The following TBL1XR1 variants were observed in gnomAD, a reference collection of about 807,000 sequenced individuals.
The protein encoded by TBL1XR1 is TBL1X/Y related 1, also known as F-box-like/WD repeat-containing protein TBL1XR1.
A neutral mutation model predicts 66.9 loss-of-function variants in TBL1XR1; 5 were observed. The ratio of observed to expected loss-of-function variants is 0.07; its 90% CI spans 0.04 to 0.16. The LOEUF is 0.16. TBL1XR1 is among the 10% of genes least tolerant of loss of function. The pLI, the probability that TBL1XR1 is intolerant of heterozygous loss-of-function variation, is 1.00. For missense variants in TBL1XR1, 238 were observed against 623.2 expected, an observed-to-expected ratio of 0.38 and a Z score of 6.58; for synonymous variants, 210 against 206.0, an observed-to-expected ratio of 1.02 and a Z score of -0.17.
intron 10 of TBL1XR1, among the ~76,000 whole-genome samples, chr3:177,038,917 G>C (rs1361343945): frequency 6.6e-6 from 1 of 152,134 alleles, no homozygotes; most frequent in African/African-American, 2.4e-5. Context: ...ACACACAAGA[G>C]TGAGGATAAC....
At chr3:177,032,835 T>G (rs1714198255) in intron 14 of TBL1XR1, 136 bp downstream of exon 14, 1 of 662,458 alleles carries the variant, frequency 1.5e-6, no homozygotes, top group Non-Finnish European at 2.2e-6. Flanking sequence ...TTCCATTAGT[T>G]TCTATCTTAT....
intron 1 of TBL1XR1, among the ~76,000 whole-genome samples, chr3:177,102,446 T>G (rs1724340869): frequency 6.6e-6 from 1 of 152,262 alleles, no homozygotes; most frequent in Non-Finnish European, 1.5e-5. Context: ...CTAGCCATCA[T>G]GCAATGCATT....
intron 2 of TBL1XR1, among the ~76,000 whole-genome samples, chr3:177,081,250 G>A (rs1721352355): frequency 6.6e-6 from 1 of 152,132 alleles, no homozygotes; most frequent in African/African-American, 2.4e-5. Flanking sequence ...ATGTGTCTCT[G>A]TGATAGAAAT....
Position 177,157,020 on chromosome 3 carries a change from C to A in TBL1XR1, c.-122+40101G>T, listed in dbSNP as rs149282606. On this transcript the variant is annotated intron_variant, in intron 1 of 15. Transcript: ENST00000457928. The stretch of plus-strand genomic sequence containing the variant: ...AGTTACAAGTCTGACACAGGTCTCA[C>A]TGGGCTAAAATGAAGGTGTAAACAG... Among the ~76,000 whole-genome samples the A allele has an allele frequency of 2.6e-5, 4 of 152,290 alleles. No individual in the cohort carries two copies. The East Asian group carries it at 7.7e-4, about 29-fold the overall frequency.
chr3:177,137,012 A>T (rs1729075771), intron 1 of TBL1XR1, among the ~76,000 whole-genome samples: 1 of 152,206 alleles, frequency 6.6e-6, no homozygotes, highest in Admixed American at 6.5e-5. Flanking sequence ...CAGAAAAAGC[A>T]CTCAGCAAGT....
At chr3:177,190,721 T>A (rs1224461726) in intron 1 of TBL1XR1, among the ~76,000 whole-genome samples, 3 of 152,188 alleles carry the variant, frequency 2.0e-5, no homozygotes, top group African/African-American at 7.2e-5. Context: ...ATAGCACACC[T>A]AAATCTTTAA....
chr3:177,182,272 T>TA (rs1251799944), intron 1 of TBL1XR1, among the ~76,000 whole-genome samples: 2 of 151,980 alleles, frequency 1.3e-5, no homozygotes, highest in African/African-American at 2.4e-5. Flanking sequence ...TAGTCCCAGA[T>TA]ACTCAAGAGG....
chr3:177,128,017 G>A lies in TBL1XR1; in HGVS notation c.-121-29476C>T, dbSNP rs1306042746. Among the ~76,000 whole-genome samples, 4 of 152,006 alleles carry A rather than the reference G, an allele frequency of 2.6e-5. No homozygotes were observed. The East Asian group carries it at 5.8e-4, about 22-fold the overall frequency. On this transcript the variant is annotated intron_variant, in intron 1 of 15. Coordinates refer to ENST00000457928, the MANE Select transcript of TBL1XR1 (RefSeq NM_024665.7). Reference sequence around the variant, plus strand: ...GCAGATCACTTGAGGTCAGGAGTTCGAGACCAGCCTGGCCAACATGGTGAA... The same window carrying A: ...GCAGATCACTTGAGGTCAGGAGTTCAAGACCAGCCTGGCCAACATGGTGAA...
rs1299448471 is a variant in TBL1XR1 at position 177,025,003 on chromosome 3, A to G, written c.*495T>C. 1 of 154,228 alleles carries G rather than the reference A, an allele frequency of 6.5e-6. No homozygotes were observed. The highest frequency in any genetic ancestry group is 1.4e-5 in the Non-Finnish European group (1 of 69,148). 9.6% of individuals were successfully genotyped at this position (154,228 alleles called of 1,614,324 possible). A position where few individuals can be genotyped will look rare whatever the true frequency, so the allele number is the denominator to read the frequency against. ...TCACTCCCTTACTTCATGCATCCAT[A>G]ATCTAAACCAAAAACGAAATTTTAA... On this transcript the variant is annotated 3_prime_UTR_variant, in exon 16 of 16. Coordinates refer to ENST00000457928, the MANE Select transcript of TBL1XR1 (RefSeq NM_024665.7).
rs1278994638 is a variant in TBL1XR1 at position 177,023,364 on chromosome 3, A to T, written c.*2134T>A. 1 of 152,488 alleles carries T rather than the reference A, an allele frequency of 6.6e-6. No homozygotes were observed. Among genetic ancestry groups the T allele is most frequent in the Non-Finnish European group, 1.5e-5 (1 of 67,976 alleles). 9.4% of individuals were successfully genotyped at this position (152,488 alleles called of 1,614,324 possible). A position where few individuals can be genotyped will look rare whatever the true frequency, so the allele number is the denominator to read the frequency against. ...TTTTTTTTAAACAATAACAGAGGTC[A>T]ACCACAGATGTGGACCTCCAGCAAT... On this transcript the variant is annotated 3_prime_UTR_variant, in exon 16 of 16. Transcript: ENST00000457928.
At chr3:177,158,157 A>AC (rs1731734440) in intron 1 of TBL1XR1, among the ~76,000 whole-genome samples, 2 of 118,534 alleles carry the variant, frequency 1.7e-5, no homozygotes, top group African/African-American at 7.5e-5. Context: ...AAAAAATAAA[A>AC]AGTAAAACAA....
At chr3:177,027,588 A>C (rs917482925) in intron 14 of TBL1XR1, 1 of 151,306 alleles carries the variant, frequency 6.6e-6, no homozygotes, top group Admixed American at 6.6e-5. Flanking sequence ...ATGGTAACCT[A>C]AAGTCAAGCT....
At chr3:177,046,641 T>C (rs866706947) in intron 9 of TBL1XR1, among the ~76,000 whole-genome samples, 3 of 152,182 alleles carry the variant, frequency 2.0e-5, no homozygotes, top group African/African-American at 4.8e-5. Context: ...ACCTAAAGTA[T>C]TGTCTAGTGG....
chr3:177,023,470 C>T lies in TBL1XR1; in HGVS notation c.*2028G>A, dbSNP rs1014650593. 2.6e-5 allele frequency: 4 copies of T among 152,442 alleles called. No individual in the cohort carries two copies. Among genetic ancestry groups the T allele is most frequent in the Non-Finnish European group, 4.4e-5 (3 of 67,954 alleles). 9.4% of individuals were successfully genotyped at this position (152,442 alleles called of 1,614,324 possible). On this transcript the variant is annotated 3_prime_UTR_variant, in exon 16 of 16. Coordinates refer to ENST00000457928, the MANE Select transcript of TBL1XR1 (RefSeq NM_024665.7). ...ACAGGGTAATATGTTCTAAATATCT[C>T]TAATGTGATCCAAAACCCTAAAAAG...
At chr3:177,165,312 T>A (rs1476945891) in intron 1 of TBL1XR1, among the ~76,000 whole-genome samples, 1 of 152,198 alleles carries the variant, frequency 6.6e-6, no homozygotes, top group East Asian at 1.9e-4. Context: ...ATGGATAAGA[T>A]CTATATGAAG....
chr3:177,088,034 C>G (rs1159925549), intron 2 of TBL1XR1, among the ~76,000 whole-genome samples: 1 of 152,152 alleles, frequency 6.6e-6, no homozygotes, highest in Non-Finnish European at 1.5e-5. Context: ...TCACACTACT[C>G]TGTGTTTCTC....
intron 12 of TBL1XR1, among the ~76,000 whole-genome samples, chr3:177,035,137 A>G (rs771576764): frequency 4.7e-4 from 71 of 152,182 alleles, no homozygotes; most frequent in Admixed American, 4.6e-3. Flanking sequence ...TACAACCCCA[A>G]GTAAAATAAA....
At chr3:177,070,989 A>T (rs905211588) in intron 2 of TBL1XR1, among the ~76,000 whole-genome samples, 1 of 151,136 alleles carries the variant, frequency 6.6e-6, no homozygotes, top group Non-Finnish European at 1.5e-5. Context: ...ACTAAAACTA[A>T]CTACTTATTC....
chr3:177,182,297 C>A (rs983993215), intron 1 of TBL1XR1, among the ~76,000 whole-genome samples: 1 of 152,038 alleles, frequency 6.6e-6, no homozygotes, highest in Non-Finnish European at 1.5e-5. Context: ...GGTGATAGGA[C>A]CACCTGAGCC....
Sources: gnomAD v4.1 joint callset for allele counts (sites outside exome capture counted in the v4.1 genomes callset) on GRCh38, gnomAD v4.1.1 for gene constraint, MANE v1.5 for transcripts, NCBI Gene and HGNC (gene_info 2026-07-23, HGNC 2026-07-21) for gene names.